RUNX1: variants seen among roughly 807,000 people sequenced by gnomAD.
RUNX1 encodes runt-related transcription factor 1.
A neutral mutation model predicts 42.8 loss-of-function variants in RUNX1; 19 were observed. That is an observed-to-expected ratio of 0.44 (90% confidence interval 0.31 to 0.65). The LOEUF (loss-of-function observed/expected upper bound fraction) is 0.65, where lower values mean the gene tolerates loss of function less well. Ranked by LOEUF, RUNX1 falls within the 30% of genes least tolerant of loss-of-function variation. The pLI is 0.07. For missense variants in RUNX1, 528 were observed against 672.0 expected, an observed-to-expected ratio of 0.79 and a Z score of 2.37; for synonymous variants, 271 against 289.4, an observed-to-expected ratio of 0.94 and a Z score of 0.64.
chr21:35,015,405 T>C (rs1378492963), intron 2 of RUNX1, among the ~76,000 whole-genome samples: 7 of 152,194 alleles, frequency 4.6e-5, no homozygotes, highest in African/African-American at 1.7e-4. Flanking sequence ...CTCTTGAGCA[T>C]ATTTAGGAGA....
chr21:34,840,897 C>T (rs760413542), intron 6 of RUNX1, among the ~76,000 whole-genome samples: 2 of 152,174 alleles, frequency 1.3e-5, no homozygotes, highest in Non-Finnish European at 2.9e-5. Flanking sequence ...CAGAGCCTTT[C>T]GTGCTACCCT....
At chr21:34,881,370 T>G (rs2057903207) in intron 4 of RUNX1, among the ~76,000 whole-genome samples, 1 of 152,240 alleles carries the variant, frequency 6.6e-6, no homozygotes, top group Non-Finnish European at 1.5e-5. Flanking sequence ...CCCTCTACAG[T>G]TCATCTTTGA....
chr21:34,976,787 AC>A (rs2146771209), intron 2 of RUNX1, among the ~76,000 whole-genome samples: 1 of 152,316 alleles, frequency 6.6e-6, no homozygotes, highest in Admixed American at 6.5e-5. Context: ...CCCTTAGGCT[AC>A]CAGTGTTTCC....
intron 4 of RUNX1, among the ~76,000 whole-genome samples, chr21:34,883,363 A>T (rs1200648127): frequency 6.6e-6 from 1 of 152,150 alleles, no homozygotes; most frequent in Non-Finnish European, 1.5e-5. Context: ...AAGGGGAACT[A>T]GTAAATCCAG....
chr21:35,039,645 C>A (rs969497083), intron 2 of RUNX1, among the ~76,000 whole-genome samples: 1 of 152,070 alleles, frequency 6.6e-6, no homozygotes, highest in Non-Finnish European at 1.5e-5. Flanking sequence ...ACAATTATTT[C>A]TTTGTTTTGA....
intron 4 of RUNX1, 67 bp downstream of exon 4, chr21:34,886,776 C>T: frequency 1.9e-6 from 3 of 1,608,482 alleles, no homozygotes; most frequent in Non-Finnish European, 2.5e-6. Context: ...TGGCCGCTGC[C>T]CTCGCGGATC....
chr21:35,047,019 T>G (rs1452567148), intron 2 of RUNX1, among the ~76,000 whole-genome samples: 13 of 152,144 alleles, frequency 8.5e-5, no homozygotes, highest in Admixed American at 8.5e-4. Context: ...TATTTCCTGA[T>G]GTCTGCATAG....
chr21:35,008,292 T>A (rs2059100629), intron 2 of RUNX1, among the ~76,000 whole-genome samples: 1 of 152,260 alleles, frequency 6.6e-6, no homozygotes, highest in Admixed American at 6.5e-5. Flanking sequence ...TATGTGAGCA[T>A]TTCCATTCTC....
chr21:34,864,543 G>C (rs1191903312), intron 5 of RUNX1, among the ~76,000 whole-genome samples: 1 of 152,206 alleles, frequency 6.6e-6, no homozygotes, highest in East Asian at 1.9e-4. Flanking sequence ...CAGAGGCTTT[G>C]GTCAGTGCAC....
chr21:35,007,053 C>A (rs997465923), intron 2 of RUNX1, among the ~76,000 whole-genome samples: 7 of 152,164 alleles, frequency 4.6e-5, no homozygotes, highest in African/African-American at 7.2e-5. Context: ...GTGGCTGAGA[C>A]AGCTCGAAAG....
At chr21:34,883,083 T>A (rs1198280198) in intron 4 of RUNX1, among the ~76,000 whole-genome samples, 1 of 152,244 alleles carries the variant, frequency 6.6e-6, no homozygotes, top group Non-Finnish European at 1.5e-5. Context: ...TGTGCCTCTC[T>A]CATCTTTCCA....
At chr21:34,985,375 A>C (rs1000678758) in intron 2 of RUNX1, among the ~76,000 whole-genome samples, 1 of 152,186 alleles carries the variant, frequency 6.6e-6, no homozygotes, top group East Asian at 1.9e-4. Flanking sequence ...TGGCTTGGAG[A>C]GCAGAGGTAG....
intron 6 of RUNX1, among the ~76,000 whole-genome samples, chr21:34,844,498 C>T (rs2057288852): frequency 6.6e-6 from 1 of 152,224 alleles, no homozygotes; most frequent in Non-Finnish European, 1.5e-5. Context: ...TGGGCAGAGA[C>T]ACTGAGCATG....
chr21:34,909,661 A>C (rs897586036), intron 2 of RUNX1, among the ~76,000 whole-genome samples: 1 of 2,430 alleles, frequency 4.1e-4, no homozygotes, highest in Non-Finnish European at 6.8e-4. Flanking sequence ...TCTTCAGCTG[A>C]GTCTGGAAGA....
chr21:34,941,153 G>A (rs565186535), intron 2 of RUNX1, among the ~76,000 whole-genome samples: 6 of 152,132 alleles, frequency 3.9e-5, no homozygotes, highest in East Asian at 1.9e-4. Flanking sequence ...ATAAGCCTTC[G>A]TCCACGATTG....
chr21:34,887,096 T>C lies in RUNX1; in HGVS notation c.98A>G (p.Asp33Gly), dbSNP rs2146414611. Residue 33 changes from aspartate to glycine, a missense_variant and splice_region_variant, in exon 4 of 9, where the codon GAT becomes GGT. Asp to Gly is a moderately conservative substitution (Grantham distance 94, BLOSUM62 -1). This residue lies in a region of RUNX1 where 114 missense variants were observed against 115.0 expected (regional missense o/e 0.99). Coordinates refer to ENST00000675419, the MANE Select transcript of RUNX1 (RefSeq NM_001754.5). ...LGMNPSRDVH[D>G]ASTSRRFTPP... The stretch of plus-strand genomic sequence containing the variant: ...CGTGAAGCGGCGGCTCGTGCTGGCA[T>C]CTACGGGGATACGCATCACAACAAG... The C allele has an allele frequency of 6.3e-7, 1 of 1,598,100 alleles. No homozygotes were observed. Among genetic ancestry groups the C allele is most frequent in the Non-Finnish European group, 8.5e-7 (1 of 1,179,834 alleles).
At chr21:34,964,088 T>TG (rs1013116642) in intron 2 of RUNX1, among the ~76,000 whole-genome samples, 2 of 152,078 alleles carry the variant, frequency 1.3e-5, no homozygotes, top group Admixed American at 6.5e-5. Flanking sequence ...CTAGCCCAGT[T>TG]GGGGGATACG....
chr21:35,013,789 T>C (rs11911568), intron 2 of RUNX1, among the ~76,000 whole-genome samples: 5,854 of 152,300 alleles, frequency 0.038, 371 homozygotes, highest in African/African-American at 0.13. Flanking sequence ...GAGATGTTCA[T>C]TGCAACATTA....
chr21:34,949,224 A>G (rs1309848336), intron 2 of RUNX1, among the ~76,000 whole-genome samples: 1 of 152,250 alleles, frequency 6.6e-6, no homozygotes, highest in Non-Finnish European at 1.5e-5. Context: ...TGACACACCA[A>G]AGTCCTTTTC....
Sources: allele counts gnomAD v4.1 joint callset (sites outside exome capture counted in the v4.1 genomes callset), GRCh38; gene constraint gnomAD v4.1.1; regional missense constraint gnomAD v4.1.1; transcripts MANE v1.5; gene names NCBI Gene and HGNC (gene_info 2026-07-23, HGNC 2026-07-21).